The following STON1 variants were observed in gnomAD, a reference collection of about 807,000 sequenced individuals.
STON1 encodes stonin-1.
Under a neutral mutation model 60.9 loss-of-function variants are expected in STON1, and 79 were observed. The ratio of observed to expected loss-of-function variants is 1.30; its 90% CI spans 1.08 to 1.56. The LOEUF is 1.56. Among genes scored for constraint, STON1 ranks in the 40% most tolerant of loss-of-function variants. STON1 has a pLI of 0.00. For missense variants in STON1, 1,166 were observed against 858.9 expected (o/e 1.36, Z -4.47); for synonymous variants, 363 against 306.9 (o/e 1.18, Z -1.91).
Position 48,591,650 on chromosome 2 carries a change from G to A in STON1, c.1931-3G>A, listed in dbSNP as rs201493536. ...TTGACTATTTGATTTTTTTTCCCTC[G>A]AGGTCTAGATCATCCCCATTGTCTG... On this transcript the variant is annotated splice_polypyrimidine_tract_variant and splice_region_variant and intron_variant, in intron 2 of 3. Coordinates refer to ENST00000404752, the MANE Select transcript of STON1 (RefSeq NM_006873.4). 6.0e-5 allele frequency: 96 copies of A among 1,604,114 alleles called. No individual in the cohort carries two copies. In the East Asian group the frequency reaches 8.9e-4, roughly 15 times the overall value.
intron 1 of STON1, among the ~76,000 whole-genome samples, chr2:48,542,087 T>C (rs532729356): frequency 1.3e-4 from 20 of 152,378 alleles, no homozygotes; most frequent in African/African-American, 4.6e-4. Flanking sequence ...GACGATGTTC[T>C]GTTTCTGCTG....
rs776502062 is a variant in STON1, at chr2:48,582,431, C to T, written c.1798C>T (p.Arg600Ter). ...GTCTCTGAAAGCTAAAATGAACCGCCGAGCATGTCTGGGGAGTTTACAGGA... is the reference window on the plus strand; with the variant it reads ...GTCTCTGAAAGCTAAAATGAACCGCTGAGCATGTCTGGGGAGTTTACAGGA... Reference protein sequence around the residue: ...QKSLKAKMNRRACLGSLQELE... With the variant: ...QKSLKAKMNR The change falls in exon 2 of 4, where the codon CGA becomes TGA. Residue 600 changes from arginine to a stop codon, truncating the protein, a stop_gained. Coordinates refer to ENST00000404752, the MANE Select transcript of STON1 (RefSeq NM_006873.4). LOFTEE classifies it high-confidence loss of function. 1.5e-5 allele frequency: 24 copies of T among 1,614,022 alleles called. No individual in the cohort carries two copies. The highest frequency in any genetic ancestry group is 1.1e-4 in the East Asian group (5 of 44,882).
intron 1 of STON1, among the ~76,000 whole-genome samples, chr2:48,568,310 C>G (rs563075115): frequency 7.9e-4 from 121 of 152,304 alleles, no homozygotes; most frequent in African/African-American, 2.8e-3. Flanking sequence ...GAAGTGGGGA[C>G]AAAGTCTTCA....
At chr2:48,590,511 A>C (rs1294752789) in intron 2 of STON1, among the ~76,000 whole-genome samples, 1 of 152,134 alleles carries the variant, frequency 6.6e-6, no homozygotes, top group Non-Finnish European at 1.5e-5. Flanking sequence ...TCTTTATCTC[A>C]TACATTTATT....
chr2:48,549,385 C>A (rs1572935216), intron 1 of STON1, among the ~76,000 whole-genome samples: 1 of 152,092 alleles, frequency 6.6e-6, no homozygotes, highest in East Asian at 1.9e-4. Context: ...GAGGAGGTTG[C>A]TGGTCCACAA....
At chr2:48,593,697 T>G (rs1674650162) in intron 3 of STON1, among the ~76,000 whole-genome samples, 1 of 152,198 alleles carries the variant, frequency 6.6e-6, no homozygotes, top group Admixed American at 6.5e-5. Context: ...TTCTACTAAT[T>G]TATTTCTATT....
At chr2:48,583,861 C>A (rs1264542808) in intron 2 of STON1, among the ~76,000 whole-genome samples, 5 of 151,708 alleles carry the variant, frequency 3.3e-5, no homozygotes, top group Admixed American at 6.6e-5. Flanking sequence ...AAGTGATTCT[C>A]CTGCCTCAGC....
chr2:48,595,040 G>T (rs1489492067), intron 3 of STON1, among the ~76,000 whole-genome samples, 188 bp from the exon 4 acceptor site: 1 of 152,080 alleles, frequency 6.6e-6, no homozygotes, highest in Non-Finnish European at 1.5e-5. Flanking sequence ...GGATTTGAGG[G>T]GCTCTGTTGT....
At chr2:48,532,254 C>A (rs571173215) in intron 1 of STON1, among the ~76,000 whole-genome samples, 1 of 151,848 alleles carries the variant, frequency 6.6e-6, no homozygotes, top group South Asian at 2.1e-4. Context: ...GAGGTTGAGG[C>A]GGAAGAATCG....
chr2:48,532,275 GGAGGCGGAGGTT>G (rs1558559033), intron 1 of STON1, among the ~76,000 whole-genome samples: 1 of 151,698 alleles, frequency 6.6e-6, no homozygotes, highest in African/African-American at 2.4e-5. Flanking sequence ...TTTGAACCTG[GGAGGCGGAGGTT>G]GCAGTGAGCC....
At chr2:48,560,698 ACACAGCTC>A (rs1672572658) in intron 1 of STON1, among the ~76,000 whole-genome samples, 1 of 152,172 alleles carries the variant, frequency 6.6e-6, no homozygotes, top group South Asian at 2.1e-4. Context: ...CCAGGAAACA[ACACAGCTC>A]CACAGCTGCA....
intron 1 of STON1, among the ~76,000 whole-genome samples, chr2:48,543,242 T>C (rs1671731205): frequency 6.6e-6 from 1 of 152,072 alleles, no homozygotes; most frequent in Non-Finnish European, 1.5e-5. Context: ...CCCAAAGTGC[T>C]GGGATTACAT....
chr2:48,581,493 A>G lies in STON1; in HGVS notation c.860A>G (p.Asn287Ser). 1 of 1,614,256 alleles carries G rather than the reference A, an allele frequency of 6.2e-7. No homozygotes were observed. Among genetic ancestry groups the G allele is most frequent in the Non-Finnish European group, 8.5e-7 (1 of 1,180,048 alleles). Residue 287 changes from asparagine (N) to serine (S), a missense_variant, in exon 2 of 4, where the codon AAT becomes AGT. By Grantham distance (46) the Asn-to-Ser change is conservative. Coordinates refer to ENST00000404752, the MANE Select transcript of STON1 (RefSeq NM_006873.4). ...SFMLRIPEKK[N>S]MMSSRQWGPI... The stretch of plus-strand genomic sequence containing the variant: ...ATGCTGAGAATTCCTGAGAAGAAGA[A>G]TATGATGTCTTCCCGGCAATGGGGA...
chr2:48,564,437 C>CTAA, intron 1 of STON1, among the ~76,000 whole-genome samples: 1 of 47,994 alleles, frequency 2.1e-5, no homozygotes. Context: ...TCTTCTTCTT[C>CTAA]TTCTTCTTCT....
chr2:48,533,587 G>A (rs1033032106), intron 1 of STON1, among the ~76,000 whole-genome samples: 1 of 149,082 alleles, frequency 6.7e-6, no homozygotes, highest in South Asian at 2.2e-4. Context: ...CTACTCGGGA[G>A]GCTGAAGCAG....
chr2:48,582,701 T>C (rs1673965732), intron 2 of STON1, 138 bp downstream of exon 2: 1 of 1,396,550 alleles, frequency 7.2e-7, no homozygotes, highest in Non-Finnish European at 9.5e-7. Context: ...AGATGGAACA[T>C]TTAGCTAAAC....
intron 1 of STON1, among the ~76,000 whole-genome samples, chr2:48,551,284 T>C (rs1053966935): frequency 6.6e-6 from 1 of 152,184 alleles, no homozygotes; most frequent in Non-Finnish European, 1.5e-5. Context: ...GGTGAGAGGC[T>C]TGGGGACATA....
At chr2:48,563,690 G>C (rs1043003743) in intron 1 of STON1, among the ~76,000 whole-genome samples, 1 of 133,446 alleles carries the variant, frequency 7.5e-6, no homozygotes, top group Non-Finnish European at 1.7e-5. Flanking sequence ...TTGTTTGTTT[G>C]TTTTTGTTGT....
At chr2:48,554,372 C>T (rs1473312766) in intron 1 of STON1, among the ~76,000 whole-genome samples, 1 of 152,142 alleles carries the variant, frequency 6.6e-6, no homozygotes, top group African/African-American at 2.4e-5. Context: ...CAGGCGTGCA[C>T]CACCATGCCC....
Sources: gnomAD v4.1 joint callset for allele counts (sites outside exome capture counted in the v4.1 genomes callset) on GRCh38, gnomAD v4.1.1 for gene constraint, MANE v1.5 for transcripts, NCBI Gene and HGNC (gene_info 2026-07-23, HGNC 2026-07-21) for gene names.